The following PHYHIPL variants were observed in gnomAD, a reference collection of about 807,000 sequenced individuals.
PHYHIPL encodes phytanoyl-CoA 2-hydroxylase interacting protein like.
In PHYHIPL, 9 loss-of-function variants were observed where a neutral mutation model predicts 33.4. The ratio of observed to expected loss-of-function variants is 0.27; its 90% CI spans 0.16 to 0.47. The LOEUF (loss-of-function observed/expected upper bound fraction) is 0.47, where lower values mean the gene tolerates loss of function less well. PHYHIPL is among the 20% of genes least tolerant of loss of function. The pLI is 0.99. For missense variants in PHYHIPL, 365 were observed against 460.7 expected, an observed-to-expected ratio of 0.79 and a Z score of 1.90; for synonymous variants, 153 against 154.1, an observed-to-expected ratio of 0.99 and a Z score of 0.05.
intron 1 of PHYHIPL, among the ~76,000 whole-genome samples, chr10:59,199,471 A>G (rs1839029951): frequency 6.6e-6 from 1 of 152,148 alleles, no homozygotes; most frequent in South Asian, 2.1e-4. Flanking sequence ...CTTGTAGTAT[A>G]GTTTGAAGTC....
chr10:59,245,773 C>A lies in PHYHIPL; in HGVS notation c.*182C>A. 1 of 599,140 alleles carries A rather than the reference C, an allele frequency of 1.7e-6. No individual in the cohort carries two copies. Among genetic ancestry groups the A allele is most frequent in the Non-Finnish European group, 2.8e-6 (1 of 356,894 alleles). 37.1% of individuals were successfully genotyped at this position (599,140 alleles called of 1,614,324 possible). The stretch of plus-strand genomic sequence containing the variant: ...CATTTTAGTGTTTTCCTATTCCCTA[C>A]CCCTCCCACTACTTTCAATGATGAA... On this transcript the variant is annotated 3_prime_UTR_variant, in exon 5 of 5. Transcript: ENST00000373880.
chr10:59,219,313 A>G, intron 1 of PHYHIPL: 1 of 748,954 alleles, frequency 1.3e-6, no homozygotes, highest in Non-Finnish European at 1.6e-6. Context: ...ACGTAGTTTG[A>G]TATTTATATT....
At chr10:59,227,471 C>T (rs1364567859) in intron 1 of PHYHIPL, among the ~76,000 whole-genome samples, 3 of 152,162 alleles carry the variant, frequency 2.0e-5, no homozygotes, top group Non-Finnish European at 4.4e-5. Context: ...CCACTAAGGC[C>T]TCACTTCCCA....
chr10:59,218,574 C>G (rs747236180), intron 1 of PHYHIPL, among the ~76,000 whole-genome samples: 1 of 152,024 alleles, frequency 6.6e-6, no homozygotes, highest in Non-Finnish European at 1.5e-5. Context: ...CTGTAGACCC[C>G]ATAGTCATCA....
intron 4 of PHYHIPL, among the ~76,000 whole-genome samples, chr10:59,243,186 TAAAAC>T (rs1413079094): frequency 6.8e-6 from 1 of 147,890 alleles, no homozygotes; most frequent in Non-Finnish European, 1.5e-5. Context: ...TAAGGAAAAA[TAAAAC>T]AATTTGAATG....
chr10:59,244,881 C>A (rs1840593218), intron 4 of PHYHIPL, among the ~76,000 whole-genome samples, 176 bp from the exon 5 acceptor site: 1 of 152,108 alleles, frequency 6.6e-6, no homozygotes, highest in Admixed American at 6.5e-5. Context: ...AAGGTCAAAG[C>A]TAGAATACAG....
At chr10:59,177,120 C>A (rs1326463021) in intron 1 of PHYHIPL, 161 bp downstream of exon 1, 1 of 644,826 alleles carries the variant, frequency 1.6e-6, no homozygotes. Context: ...CACCGCCCTC[C>A]CCTCACCCCA....
chr10:59,228,192 C>A lies in PHYHIPL; in HGVS notation c.107-6112C>A, dbSNP rs185430083. Among the ~76,000 whole-genome samples, 248 of 152,022 alleles carry A rather than the reference C, an allele frequency of 1.6e-3. 3 individuals are homozygous for A. The highest frequency in any genetic ancestry group is 0.016 in the Admixed American group (242 of 15,286). ...TCTTATTGCAGGAAAACACTGGAAA[C>A]AATCTAAATGGATGACTGATTAATA... On this transcript the variant is annotated intron_variant, in intron 1 of 4. Transcript: ENST00000373880.
At position 59,245,327 on chromosome 10, in the gene PHYHIPL, A is replaced by T; in HGVS notation, c.867A>T (p.Gly289=). Residue 289 remains glycine, a synonymous_variant, in exon 5 of 5, where the codon GGA becomes GGT. Coordinates refer to ENST00000373880, the MANE Select transcript of PHYHIPL (RefSeq NM_032439.4). ...TGATTCTTGTTATTGCTCCTGTGGGATCACCAGGAGATGAATTTTGTAAGC... is the reference window on the plus strand; with the variant it reads ...TGATTCTTGTTATTGCTCCTGTGGGTTCACCAGGAGATGAATTTTGTAAGC... ...HYVILVIAPV[G]SPGDEFCKQR... The T allele has an allele frequency of 6.2e-7, 1 of 1,614,154 alleles. No homozygotes were observed. Among genetic ancestry groups the T allele is most frequent in the Non-Finnish European group, 8.5e-7 (1 of 1,180,008 alleles).
chr10:59,213,282 AAGT>A (rs1839517913), intron 1 of PHYHIPL, among the ~76,000 whole-genome samples: 2 of 152,104 alleles, frequency 1.3e-5, no homozygotes, highest in Non-Finnish European at 2.9e-5. Flanking sequence ...TGTCTGTGTT[AAGT>A]ATTTACTCTA....
chr10:59,202,058 G>A (rs1477357486), intron 1 of PHYHIPL, among the ~76,000 whole-genome samples: 2 of 152,080 alleles, frequency 1.3e-5, no homozygotes, highest in Non-Finnish European at 2.9e-5. Context: ...GATTACATAG[G>A]CAGTAATAGA....
intron 1 of PHYHIPL, among the ~76,000 whole-genome samples, chr10:59,203,085 C>T (rs1399779927): frequency 6.6e-6 from 1 of 152,070 alleles, no homozygotes; most frequent in East Asian, 1.9e-4. Flanking sequence ...AATCAAACAA[C>T]CCCATCAGAA....
chr10:59,209,701 G>A (rs1004506196), intron 1 of PHYHIPL, among the ~76,000 whole-genome samples: 1 of 152,144 alleles, frequency 6.6e-6, no homozygotes, highest in African/African-American at 2.4e-5. Flanking sequence ...AAACAGCATG[G>A]TACTGGTACC....
At chr10:59,218,697 A>G (rs1272364853) in intron 1 of PHYHIPL, among the ~76,000 whole-genome samples, 1 of 128,680 alleles carries the variant, frequency 7.8e-6, no homozygotes, top group Non-Finnish European at 1.9e-5. Context: ...GGTCTGATAT[A>G]GTTTGAGGGA....
At chr10:59,198,961 T>C (rs867946885) in intron 1 of PHYHIPL, among the ~76,000 whole-genome samples, 47 of 152,310 alleles carry the variant, frequency 3.1e-4, no homozygotes, top group African/African-American at 1.1e-3. Context: ...TATTAGCCCT[T>C]TGTCAGATGA....
chr10:59,220,983 A>G (rs1212366751), intron 1 of PHYHIPL, among the ~76,000 whole-genome samples: 2 of 152,066 alleles, frequency 1.3e-5, no homozygotes, highest in Non-Finnish European at 2.9e-5. Flanking sequence ...TCCTATTACT[A>G]AACAGCTTTG....
At chr10:59,179,679 T>G (rs1838347062) in intron 1 of PHYHIPL, among the ~76,000 whole-genome samples, 1 of 152,182 alleles carries the variant, frequency 6.6e-6, no homozygotes, top group African/African-American at 2.4e-5. Flanking sequence ...TTTTTGTTTT[T>G]GTTTTTGTCT....
At chr10:59,212,703 C>T (rs1412734838) in intron 1 of PHYHIPL, among the ~76,000 whole-genome samples, 1 of 152,052 alleles carries the variant, frequency 6.6e-6, no homozygotes, top group Admixed American at 6.6e-5. Context: ...GGGAGTCTGC[C>T]CAATTTGTGA....
intron 1 of PHYHIPL, among the ~76,000 whole-genome samples, chr10:59,205,743 C>T (rs1202462000): frequency 6.6e-6 from 1 of 152,108 alleles, no homozygotes; most frequent in African/African-American, 2.4e-5. Flanking sequence ...ATGGCTACTT[C>T]AGCTAATATT....
Sources: gnomAD v4.1 joint callset for allele counts (sites outside exome capture counted in the v4.1 genomes callset) on GRCh38, gnomAD v4.1.1 for gene constraint, MANE v1.5 for transcripts, NCBI Gene and HGNC (gene_info 2026-07-23, HGNC 2026-07-21) for gene names.